The following GRIK3 variants were observed in gnomAD, a reference collection of about 807,000 sequenced individuals.
GRIK3 encodes glutamate ionotropic receptor kainate type subunit 3.
In GRIK3, 29 loss-of-function variants were observed where a neutral mutation model predicts 102.5. The observed-to-expected ratio is 0.28, with a 90% CI of 0.21 to 0.39. The LOEUF is 0.39. GRIK3 is among the 10% of genes least tolerant of loss of function. GRIK3 has a pLI of 1.00. For missense variants in GRIK3, 908 were observed against 1,252.4 expected, an observed-to-expected ratio of 0.73 and a Z score of 4.15; for synonymous variants, 511 against 504.9, an observed-to-expected ratio of 1.01 and a Z score of -0.16.
At chr1:36,859,082 A>C (rs3738081) in intron 7 of GRIK3, 26 bp downstream of exon 7, 425,076 of 1,577,300 alleles carry the variant, frequency 0.27, 63,575 homozygotes, top group African/African-American at 0.59. Flanking sequence ...GGGAGACAAC[A>C]CTGGTGGGGG....
At chr1:37,021,163 T>C (rs186850379) in intron 1 of GRIK3, among the ~76,000 whole-genome samples, 28 of 148,804 alleles carry the variant, frequency 1.9e-4, no homozygotes, top group Non-Finnish European at 3.6e-4. Flanking sequence ...AATAGGAGCG[T>C]AGATCAGGTT....
chr1:36,902,524 C>A (rs974639757), intron 1 of GRIK3, among the ~76,000 whole-genome samples: 5 of 152,104 alleles, frequency 3.3e-5, no homozygotes, highest in African/African-American at 1.2e-4. Flanking sequence ...ACTGGACATC[C>A]ACATGCAAAA....
chr1:36,892,855 T>C (rs1252129512), intron 1 of GRIK3, among the ~76,000 whole-genome samples: 1 of 152,140 alleles, frequency 6.6e-6, no homozygotes, highest in East Asian at 1.9e-4. Context: ...AGGAACAGGA[T>C]AAAAGCTCCC....
chr1:36,887,820 AG>A (rs1180154360), intron 2 of GRIK3, among the ~76,000 whole-genome samples: 2 of 150,406 alleles, frequency 1.3e-5, no homozygotes, highest in African/African-American at 4.9e-5. Flanking sequence ...AGAGAGAGAG[AG>A]AGACAGAGAT....
chr1:36,840,481 G>A (rs1044184311), intron 10 of GRIK3, among the ~76,000 whole-genome samples: 2 of 150,260 alleles, frequency 1.3e-5, no homozygotes, highest in African/African-American at 2.5e-5. Context: ...GGGAGGCCAA[G>A]GCAGGAGGAT....
At chr1:36,996,681 C>T (rs879270772) in intron 1 of GRIK3, among the ~76,000 whole-genome samples, 18 of 152,168 alleles carry the variant, frequency 1.2e-4, no homozygotes, top group Non-Finnish European at 2.1e-4. Flanking sequence ...CCCCACCGGG[C>T]GCTTTCCTCA....
At chr1:37,032,811 C>G (rs556499734) in intron 1 of GRIK3, among the ~76,000 whole-genome samples, 1 of 152,166 alleles carries the variant, frequency 6.6e-6, no homozygotes, top group Non-Finnish European at 1.5e-5. Flanking sequence ...GGAGACCCAC[C>G]CGCTGGGTTT....
At chr1:36,961,418 G>A (rs1642007441) in intron 1 of GRIK3, among the ~76,000 whole-genome samples, 1 of 152,204 alleles carries the variant, frequency 6.6e-6, no homozygotes, top group African/African-American at 2.4e-5. Flanking sequence ...AAGCAGAAGA[G>A]AGAGGACGAG....
chr1:36,837,574 A>T (rs494253), intron 10 of GRIK3, among the ~76,000 whole-genome samples: 29,399 of 151,940 alleles, frequency 0.19, 3,380 homozygotes, highest in African/African-American at 0.32. Flanking sequence ...CAGCAGAGTG[A>T]CCTTCCTCAA....
chr1:36,818,374 G>A (rs1260034868), intron 12 of GRIK3, among the ~76,000 whole-genome samples: 1 of 152,176 alleles, frequency 6.6e-6, no homozygotes, highest in African/African-American at 2.4e-5. Flanking sequence ...ACAGATTGAG[G>A]CACTTCCCTT....
chr1:36,934,628 G>C (rs1162840829), intron 1 of GRIK3, among the ~76,000 whole-genome samples: 1 of 152,154 alleles, frequency 6.6e-6, no homozygotes, highest in Non-Finnish European at 1.5e-5. Context: ...ATAGTAATTA[G>C]ATGTGAAAAC....
intron 1 of GRIK3, among the ~76,000 whole-genome samples, chr1:36,932,737 AT>A (rs1460201793): frequency 3.3e-5 from 5 of 152,076 alleles, no homozygotes; most frequent in Non-Finnish European, 7.4e-5. Context: ...CATTCTCTAC[AT>A]TTTTGAAGAG....
Position 36,872,443 on chromosome 1 carries a change from G to A in GRIK3, c.551-74C>T. 2.4e-6 allele frequency: 3 copies of A among 1,228,600 alleles called. No individual in the cohort carries two copies. Among genetic ancestry groups the A allele is most frequent in the Non-Finnish European group, 2.3e-6 (2 of 878,080 alleles). 76.1% of individuals were successfully genotyped at this position (1,228,600 alleles called of 1,614,324 possible). On this transcript the variant is annotated intron_variant, in intron 3 of 15. Transcript: ENST00000373091. The surrounding 1 kb of genome is among the most constrained non-coding windows in gnomAD (Gnocchi z 5.9). ...CAGCTCCAGGCATCCACTTGGACTT[G>A]TGTGCACACACATGCCCATGGCCAC...
chr1:36,993,792 T>G (rs1464593846), intron 1 of GRIK3, among the ~76,000 whole-genome samples: 1 of 152,206 alleles, frequency 6.6e-6, no homozygotes, highest in Non-Finnish European at 1.5e-5. Context: ...GGGTGGCCCA[T>G]ATCGAATAAC....
In GRIK3 at chr1:36,880,565, A is replaced by G; in HGVS notation, c.550+69T>C. 1 of 1,480,434 alleles carries G rather than the reference A, an allele frequency of 6.8e-7. No individual in the cohort carries two copies. The highest frequency in any genetic ancestry group is 9.4e-7 in the Non-Finnish European group (1 of 1,066,288). The allele number at this position is 1,480,434 out of a possible 1,614,324, so 91.7% of individuals were successfully genotyped here. A position where few individuals can be genotyped will look rare whatever the true frequency, so the allele number is the denominator to read the frequency against. On this transcript the variant is annotated intron_variant, in intron 3 of 15. Transcript: ENST00000373091. The surrounding 1 kb of genome is among the most constrained non-coding windows in gnomAD (Gnocchi z 5.4). Reference sequence around the variant, plus strand: ...GGGCAGCTGTGCTGAACAAACAGACAAGAGCTTGATCCTGGGCCTCTGCCC... The same window carrying G: ...GGGCAGCTGTGCTGAACAAACAGACGAGAGCTTGATCCTGGGCCTCTGCCC...
At chr1:37,030,365 A>G (rs572618397) in intron 1 of GRIK3, among the ~76,000 whole-genome samples, 11 of 152,334 alleles carry the variant, frequency 7.2e-5, no homozygotes, top group Admixed American at 2.6e-4. Context: ...TAGGAGTTAC[A>G]GATGAGGCCG....
intron 5 of GRIK3, among the ~76,000 whole-genome samples, chr1:36,862,526 C>G (rs1640739115): frequency 6.6e-6 from 1 of 152,194 alleles, no homozygotes; most frequent in South Asian, 2.1e-4. Flanking sequence ...TGAGAAGCCA[C>G]TAAGCGATTA....
chr1:37,017,901 A>T (rs1425614574), intron 1 of GRIK3, among the ~76,000 whole-genome samples: 1 of 152,162 alleles, frequency 6.6e-6, no homozygotes, highest in Non-Finnish European at 1.5e-5. Context: ...TGGATGGGTA[A>T]TGAGTCCTCT....
At chr1:37,022,103 A>G (rs1329448567) in intron 1 of GRIK3, among the ~76,000 whole-genome samples, 1 of 152,234 alleles carries the variant, frequency 6.6e-6, no homozygotes, top group East Asian at 1.9e-4. Flanking sequence ...GACTGTCTAT[A>G]CAGCCTGAAT....
Sources: allele counts gnomAD v4.1 joint callset (sites outside exome capture counted in the v4.1 genomes callset), GRCh38; gene constraint gnomAD v4.1.1; non-coding constraint Gnocchi (gnomAD v3.1); transcripts MANE v1.5; gene names NCBI Gene and HGNC (gene_info 2026-07-23, HGNC 2026-07-21).